The following DOCK3 variants were observed in gnomAD, a reference collection of about 807,000 sequenced individuals.
DOCK3 encodes dedicator of cytokinesis protein 3.
Under a neutral mutation model 265.6 loss-of-function variants are expected in DOCK3, and 60 were observed. That is an observed-to-expected ratio of 0.23 (90% CI 0.18 to 0.28). The LOEUF (loss-of-function observed/expected upper bound fraction) is 0.28, where lower values mean the gene tolerates loss of function less well. Among genes scored for constraint, DOCK3 ranks in the 10% least tolerant of loss-of-function variants. The pLI, the probability that DOCK3 is intolerant of heterozygous loss-of-function variation, is 1.00. For synonymous variants in DOCK3, 881 were observed against 938.0 expected (o/e 0.94, Z 1.11); for missense variants, 1,981 against 2,594.3 (o/e 0.76, Z 5.14).
chr3:51,231,648 C>G (rs2090551140), intron 19 of DOCK3, among the ~76,000 whole-genome samples: 1 of 152,048 alleles, frequency 6.6e-6, no homozygotes, highest in African/African-American at 2.4e-5. Context: ...CTTATATATT[C>G]TGGATATTAG....
chr3:50,973,049 C>CTTTTTGTTTTTTTT (rs2077292649), intron 5 of DOCK3, among the ~76,000 whole-genome samples: 1 of 19,012 alleles, frequency 5.3e-5, no homozygotes, highest in South Asian at 4.6e-3. Flanking sequence ...CAGTGTGTTT[C>CTTTTTGTTTTTTTT]TTTTTTTTTT....
Position 51,341,383 on chromosome 3 carries a change from A to G in DOCK3, c.3913A>G (p.Lys1305Glu), listed in dbSNP as rs2085231220. ...GATCATTCACTACTTCAACAAAGGC[A>G]AGGTATGCATCATTAGGCAAGCCCT... ...RKIIHYFNKG[K>E]SWEFGIPLCR... The change falls in exon 38 of 53, where the codon AAG becomes GAG. Residue 1305 changes from lysine (K) to glutamate (E), a missense_variant and splice_region_variant. This residue lies in a region of DOCK3 where 1,357 missense variants were observed against 1,866.8 expected (regional missense o/e 0.73). Transcript: ENST00000266037. 6.2e-7 allele frequency: 1 copy of G among 1,613,502 alleles called. No individual in the cohort carries two copies. Among genetic ancestry groups the G allele is most frequent in the Non-Finnish European group, 8.5e-7 (1 of 1,179,748 alleles).
intron 4 of DOCK3, among the ~76,000 whole-genome samples, chr3:50,923,820 G>A (rs1214195894): frequency 6.6e-6 from 1 of 152,126 alleles, no homozygotes; most frequent in Non-Finnish European, 1.5e-5. Flanking sequence ...ATGGTTTACT[G>A]TGCAGAGGGA....
At chr3:51,186,551 A>G (rs977930452) in intron 12 of DOCK3, among the ~76,000 whole-genome samples, 4 of 152,192 alleles carry the variant, frequency 2.6e-5, no homozygotes, top group Non-Finnish European at 4.4e-5. Context: ...CCCCAAGACA[A>G]TGGGGAAAAT....
chr3:51,235,352 G>T (rs2078309143), intron 19 of DOCK3, among the ~76,000 whole-genome samples: 2 of 152,176 alleles, frequency 1.3e-5, no homozygotes, highest in South Asian at 2.1e-4. Flanking sequence ...TCAAGGGTGA[G>T]CTTTTATATT....
chr3:51,205,582 G>A (rs1302905830), intron 12 of DOCK3, among the ~76,000 whole-genome samples: 4 of 151,924 alleles, frequency 2.6e-5, no homozygotes, highest in Admixed American at 2.6e-4. Context: ...TGTGCCTGTG[G>A]TCCCAGGTGC....
chr3:51,267,122 C>T (rs1478438616), intron 23 of DOCK3, among the ~76,000 whole-genome samples: 1 of 152,112 alleles, frequency 6.6e-6, no homozygotes, highest in Non-Finnish European at 1.5e-5. Flanking sequence ...AATGAGATAC[C>T]ATCTCACACT....
At chr3:50,792,661 CA>C (rs1339540420) in intron 2 of DOCK3, among the ~76,000 whole-genome samples, 2 of 152,098 alleles carry the variant, frequency 1.3e-5, no homozygotes, top group Admixed American at 1.3e-4. Flanking sequence ...TGAATTTTAC[CA>C]AAAGCCTTTT....
chr3:51,313,048 A>G (rs1206183639), intron 31 of DOCK3, 146 bp downstream of exon 31: 1 of 756,668 alleles, frequency 1.3e-6, no homozygotes, highest in South Asian at 1.8e-5. Context: ...CCTCAGATGG[A>G]TGGTGTAGCA....
intron 5 of DOCK3, among the ~76,000 whole-genome samples, chr3:50,970,889 TTTTATATATATATATATATATATATATA>T (rs1216676580): frequency 0.028 from 1,191 of 42,932 alleles, 125 homozygotes; most frequent in Non-Finnish European, 0.035. Flanking sequence ...CTCATCTAAT[TTTTATATATATATATATATATATATATA>T]TATATATATA....
chr3:51,093,104 A>G (rs2082702346), intron 9 of DOCK3, among the ~76,000 whole-genome samples: 1 of 152,206 alleles, frequency 6.6e-6, no homozygotes, highest in Non-Finnish European at 1.5e-5. Flanking sequence ...GTTTGAAGTC[A>G]GAGAGCATGA....
At chr3:51,158,959 G>C (rs1005686701) in intron 10 of DOCK3, among the ~76,000 whole-genome samples, 1 of 152,146 alleles carries the variant, frequency 6.6e-6, no homozygotes, top group Non-Finnish European at 1.5e-5. Context: ...GGAATAAGGC[G>C]ATATCATGAA....
intron 3 of DOCK3, among the ~76,000 whole-genome samples, chr3:50,856,892 G>C (rs1419437751): frequency 6.6e-6 from 1 of 152,044 alleles, no homozygotes; most frequent in Non-Finnish European, 1.5e-5. Flanking sequence ...TTATCATGAG[G>C]GATGTTGAAT....
chr3:50,947,653 G>A (rs531556129), intron 5 of DOCK3, among the ~76,000 whole-genome samples: 3 of 152,106 alleles, frequency 2.0e-5, no homozygotes, highest in Non-Finnish European at 4.4e-5. Context: ...TTAGCATTAG[G>A]TCAGTTAATG....
chr3:50,698,072 A>G (rs1386039384), intron 1 of DOCK3, among the ~76,000 whole-genome samples: 1 of 152,090 alleles, frequency 6.6e-6, no homozygotes, highest in East Asian at 1.9e-4. Flanking sequence ...GTACTATCCC[A>G]TTATTTTTAG....
At position 51,229,576 on chromosome 3, in the gene DOCK3, G is replaced by T. The variant is rs112607229; in HGVS notation, c.1884G>T (p.Arg628=). 3.9e-5 allele frequency: 63 copies of T among 1,606,956 alleles called. 3 individuals carry two copies. The African/African-American group carries it at 5.1e-4, about 13-fold the overall frequency. ...FPDRIMDVLG[R]LRHVSGEEIV... ...ACCGGATCATGGATGTACTAGGGCG[G>T]CTGCGGCATGTCAGTGGGGAGGAAA... Residue 628 remains arginine (R), a synonymous_variant, in exon 19 of 53, where the codon CGG becomes CGT. Transcript: ENST00000266037.
chr3:50,729,959 C>T lies in DOCK3; in HGVS notation c.38-48716C>T, dbSNP rs1003409712. On this transcript the variant is annotated intron_variant, in intron 1 of 52. Coordinates refer to ENST00000266037, the MANE Select transcript of DOCK3 (RefSeq NM_004947.5). ...TCAGCCTCCCGACTAGTTGGGATTA[C>T]AAGTGCCTGCCATCACACCCAGCTA... Among the ~76,000 whole-genome samples the T allele has an allele frequency of 2.7e-5, 4 of 150,832 alleles. No homozygotes were observed. In the East Asian group the frequency reaches 5.9e-4, roughly 22 times the overall value.
chr3:51,294,790 T>G (rs192026669), intron 27 of DOCK3, among the ~76,000 whole-genome samples: 48 of 151,666 alleles, frequency 3.2e-4, no homozygotes, highest in Non-Finnish European at 4.0e-4. Flanking sequence ...GAGACATTGG[T>G]CAGTGGGTGC....
intron 27 of DOCK3, among the ~76,000 whole-genome samples, chr3:51,290,463 C>G (rs1047438040): frequency 1.3e-5 from 2 of 151,996 alleles, no homozygotes; most frequent in Non-Finnish European, 2.9e-5. Flanking sequence ...CATGTTCTCA[C>G]TCATAGGTGG....
Sources: gnomAD v4.1 joint callset for allele counts (sites outside exome capture counted in the v4.1 genomes callset) on GRCh38, gnomAD v4.1.1 for gene constraint, gnomAD v4.1.1 regional missense constraint, MANE v1.5 for transcripts, NCBI Gene and HGNC (gene_info 2026-07-23, HGNC 2026-07-21) for gene names.